Variants in TASP1 observed in about 807,000 individuals in gnomAD.
The protein encoded by TASP1 is taspase 1.
A neutral mutation model predicts 56.6 loss-of-function variants in TASP1; 16 were observed. The ratio of observed to expected loss-of-function variants is 0.28; its 90% CI spans 0.19 to 0.43. The LOEUF (loss-of-function observed/expected upper bound fraction) is 0.43. Ranked by LOEUF, TASP1 falls within the 20% of genes least tolerant of loss-of-function variation. The pLI is 1.00. For synonymous variants in TASP1, 179 were observed against 184.2 expected, an observed-to-expected ratio of 0.97 and a Z score of 0.23; for missense variants, 393 against 511.6, an observed-to-expected ratio of 0.77 and a Z score of 2.24.
the TASP1 span, among the ~76,000 whole-genome samples, chr20:13,371,701 G>T: frequency 7.9e-5 from 12 of 151,994 alleles, no homozygotes; most frequent in African/African-American, 2.9e-4. Context: ...GTATTTCCTT[G>T]TTGATCTTAT....
the TASP1 span, among the ~76,000 whole-genome samples, chr20:13,353,247 C>CAAAA: frequency 9.0e-6 from 1 of 111,100 alleles, no homozygotes; most frequent in African/African-American, 2.8e-5. Flanking sequence ...GATTTTGTCT[C>CAAAA]AAAAAAAAAA....
At chr20:13,214,205 C>G in the TASP1 span, among the ~76,000 whole-genome samples, 1 of 152,110 alleles carries the variant, frequency 6.6e-6, no homozygotes, top group Non-Finnish European at 1.5e-5. Context: ...TAAGAAATAC[C>G]TACTGTAGTA....
At chr20:13,374,379 G>C in the TASP1 span, among the ~76,000 whole-genome samples, 1 of 146,786 alleles carries the variant, frequency 6.8e-6, no homozygotes, top group Non-Finnish European at 1.5e-5. Flanking sequence ...ACAGAGTCTT[G>C]CTCTTTCGCC....
intron 4 of TASP1, among the ~76,000 whole-genome samples, chr20:13,610,993 C>T (rs2048330904): frequency 6.6e-6 from 1 of 152,092 alleles, no homozygotes; most frequent in South Asian, 2.1e-4. Context: ...AAAAGCTAAC[C>T]ACTCTGGGGC....
intron 7 of TASP1, among the ~76,000 whole-genome samples, chr20:13,564,225 T>C (rs2046439904): frequency 6.6e-6 from 1 of 152,080 alleles, no homozygotes; most frequent in African/African-American, 2.4e-5. Context: ...CTAGAACTAA[T>C]AAATTCAGCA....
chr20:13,473,328 G>A (rs999793718), intron 11 of TASP1, among the ~76,000 whole-genome samples: 2 of 151,754 alleles, frequency 1.3e-5, no homozygotes, highest in Non-Finnish European at 2.9e-5. Context: ...CACACACCGG[G>A]GCCTGTTGTG....
the TASP1 span, among the ~76,000 whole-genome samples, chr20:13,129,240 G>A: frequency 6.6e-6 from 1 of 152,138 alleles, no homozygotes; most frequent in African/African-American, 2.4e-5. Context: ...GGCCTCAAGT[G>A]ATTTGCCCAC....
chr20:13,376,487 A>G, the TASP1 span, among the ~76,000 whole-genome samples: 5 of 152,084 alleles, frequency 3.3e-5, no homozygotes, highest in African/African-American at 1.2e-4. Context: ...GCCTTGTAGT[A>G]TAGTTTGAAG....
the TASP1 span, among the ~76,000 whole-genome samples, chr20:13,261,372 C>T: frequency 2.6e-5 from 4 of 151,156 alleles, no homozygotes; most frequent in African/African-American, 4.9e-5. Flanking sequence ...GAGCCGAGAT[C>T]GCGCCATTGC....
chr20:13,333,673 T>A, the TASP1 span, among the ~76,000 whole-genome samples: 1 of 152,214 alleles, frequency 6.6e-6, no homozygotes, highest in Non-Finnish European at 1.5e-5. Flanking sequence ...TGCCTCGTTG[T>A]TCTATCAACA....
intron 10 of TASP1, among the ~76,000 whole-genome samples, chr20:13,501,418 A>G (rs1237299117): frequency 6.6e-6 from 1 of 152,070 alleles, no homozygotes; most frequent in African/African-American, 2.4e-5. Flanking sequence ...GTAACATAAT[A>G]TGCCAAGAGC....
At chr20:13,521,695 T>A (rs1464883302) in intron 10 of TASP1, among the ~76,000 whole-genome samples, 1 of 151,898 alleles carries the variant, frequency 6.6e-6, no homozygotes, top group Non-Finnish European at 1.5e-5. Context: ...GACGAGTTAA[T>A]GGGTGCAGCA....
the TASP1 span, among the ~76,000 whole-genome samples, chr20:13,220,572 G>A: frequency 6.6e-6 from 1 of 152,214 alleles, no homozygotes. Context: ...TGAGCCGCGG[G>A]CACTGCGTCT....
chr20:13,496,768 T>A (rs1225601059), intron 10 of TASP1, among the ~76,000 whole-genome samples: 1 of 152,158 alleles, frequency 6.6e-6, no homozygotes, highest in Non-Finnish European at 1.5e-5. Context: ...CTAGTTAGGA[T>A]GAAGAAACTT....
chr20:13,347,207 A>T, the TASP1 span, among the ~76,000 whole-genome samples: 11 of 152,144 alleles, frequency 7.2e-5, no homozygotes, highest in Admixed American at 7.2e-4. Flanking sequence ...TTTGCTTCCC[A>T]CATTCCTGCC....
intron 13 of TASP1, among the ~76,000 whole-genome samples, chr20:13,403,352 T>C (rs961596337): frequency 5.3e-5 from 8 of 152,144 alleles, no homozygotes; most frequent in African/African-American, 1.9e-4. Context: ...ATGCCACCTT[T>C]GGGAGCATAA....
chr20:13,270,450 C>T, the TASP1 span: 1 of 1,552,970 alleles, frequency 6.4e-7, no homozygotes, highest in East Asian at 2.4e-5. Flanking sequence ...TTAAGGGTGA[C>T]ATTTTTTAAT....
At chr20:13,525,572 C>T (rs779288653) in intron 10 of TASP1, among the ~76,000 whole-genome samples, 11 of 152,156 alleles carry the variant, frequency 7.2e-5, no homozygotes, top group Non-Finnish European at 1.0e-4. Flanking sequence ...ATCTTTTCTC[C>T]GCCTTTCAAT....
chr20:13,426,546 T>C (rs2042623963), intron 12 of TASP1, among the ~76,000 whole-genome samples: 1 of 152,120 alleles, frequency 6.6e-6, no homozygotes, highest in Admixed American at 6.6e-5. Flanking sequence ...ATACAATATA[T>C]AGAGATATGT....
Sources: gnomAD v4.1 joint callset for allele counts (sites outside exome capture counted in the v4.1 genomes callset) on GRCh38, gnomAD v4.1.1 for gene constraint, MANE v1.5 for transcripts, NCBI Gene and HGNC (gene_info 2026-07-23, HGNC 2026-07-21) for gene names.